Variants in CYRIA observed in about 807,000 individuals in gnomAD.
CYRIA encodes CYFIP related Rac1 interactor A.
CYRIA carries 15 observed loss-of-function variants against 43.9 expected under a neutral mutation model. That is an observed-to-expected ratio of 0.34 (90% CI 0.23 to 0.53). The LOEUF (loss-of-function observed/expected upper bound fraction) is 0.53, where lower values mean the gene tolerates loss of function less well. CYRIA is among the 20% of genes least tolerant of loss of function. CYRIA has a pLI of 0.94. For synonymous variants in CYRIA, 117 were observed against 136.0 expected (o/e 0.86, Z 0.97); for missense variants, 236 against 394.2 (o/e 0.60, Z 3.40).
At chr2:16,604,958 A>T (rs1223653849) in intron 2 of CYRIA, among the ~76,000 whole-genome samples, 4 of 152,272 alleles carry the variant, frequency 2.6e-5, no homozygotes, top group Non-Finnish European at 5.9e-5. Context: ...TAATGGCTAA[A>T]GTGTGTTTTC....
intron 3 of CYRIA, among the ~76,000 whole-genome samples, chr2:16,566,121 C>A (rs1189760257): frequency 2.0e-5 from 3 of 152,222 alleles, no homozygotes; most frequent in Admixed American, 2.0e-4. Flanking sequence ...ATGTTTTGGT[C>A]TTTTTATTAT....
intron 3 of CYRIA, among the ~76,000 whole-genome samples, chr2:16,568,654 A>C (rs1300394034): frequency 2.6e-5 from 4 of 152,208 alleles, no homozygotes; most frequent in African/African-American, 9.6e-5. Context: ...TCTCCTTTTG[A>C]AAAATCATAA....
chr2:16,575,515 G>A (rs901984864), intron 3 of CYRIA, among the ~76,000 whole-genome samples: 1 of 152,110 alleles, frequency 6.6e-6, no homozygotes, highest in Non-Finnish European at 1.5e-5. Flanking sequence ...TTCCTAGGCT[G>A]TTCTTGTGAT....
chr2:16,625,231 C>G (rs1159518400), intron 1 of CYRIA, among the ~76,000 whole-genome samples: 3 of 152,072 alleles, frequency 2.0e-5, no homozygotes, highest in Non-Finnish European at 4.4e-5. Context: ...AGCTGGGGCT[C>G]CCAGGCCCCC....
At chr2:16,591,994 C>T (rs192173414) in intron 2 of CYRIA, among the ~76,000 whole-genome samples, 1 of 152,162 alleles carries the variant, frequency 6.6e-6, no homozygotes, top group Non-Finnish European at 1.5e-5. Context: ...CACTGGTGCA[C>T]ATAGAAGTTT....
intron 1 of CYRIA, among the ~76,000 whole-genome samples, chr2:16,646,101 G>A (rs758185862): frequency 1.3e-4 from 20 of 152,200 alleles, no homozygotes; most frequent in Non-Finnish European, 2.6e-4. Flanking sequence ...TCTAGCTCTA[G>A]TCTTTCCCTC....
At chr2:16,604,438 G>A (rs1219963160) in intron 2 of CYRIA, among the ~76,000 whole-genome samples, 1 of 152,214 alleles carries the variant, frequency 6.6e-6, no homozygotes, top group Non-Finnish European at 1.5e-5. Context: ...GGGTGTCCCA[G>A]GAGGAAGGGG....
chr2:16,622,115 G>A (rs2103508203), intron 2 of CYRIA, among the ~76,000 whole-genome samples: 2 of 152,310 alleles, frequency 1.3e-5, no homozygotes, highest in Non-Finnish European at 2.9e-5. Flanking sequence ...TGACTGTCTT[G>A]CTGAGTGCCA....
At position 16,650,655 on chromosome 2, in the gene CYRIA, G is replaced by A. The variant is rs1386574392; in HGVS notation, c.-167+15125C>T. 1.3e-5 allele frequency among the ~76,000 whole-genome samples: 2 copies of A among 152,210 alleles called. No homozygotes were observed. Among genetic ancestry groups the A allele is most frequent in the Non-Finnish European group, 2.9e-5 (2 of 68,038 alleles). On this transcript the variant is annotated intron_variant, in intron 1 of 11. Transcript: ENST00000381323. The surrounding 1 kb of genome is among the most constrained non-coding windows in gnomAD (Gnocchi z 4.1). ...CTCTCTGGCCATGGAAAGGCCTTCT[G>A]AGCTCAACAGACAAGCTCTGTAGTG...
intron 2 of CYRIA, among the ~76,000 whole-genome samples, chr2:16,592,067 A>G (rs11893280): frequency 0.18 from 27,755 of 152,014 alleles, 3,523 homozygotes; most frequent in African/African-American, 0.35. Flanking sequence ...CAGAGAGTAC[A>G]GGTTGAGTAT....
At chr2:16,664,256 C>A (rs1256594368) in intron 1 of CYRIA, among the ~76,000 whole-genome samples, 1 of 152,162 alleles carries the variant, frequency 6.6e-6, no homozygotes, top group Admixed American at 6.5e-5. Context: ...TTCCCACTCT[C>A]CCCTCACAGG....
intron 5 of CYRIA, among the ~76,000 whole-genome samples, chr2:16,562,740 C>T (rs568700604): frequency 7.8e-4 from 119 of 152,246 alleles, no homozygotes; most frequent in African/African-American, 2.8e-3. Flanking sequence ...AGTCATTTAA[C>T]CAATCCTCTA....
intron 2 of CYRIA, among the ~76,000 whole-genome samples, chr2:16,618,888 T>C (rs1241164936): frequency 2.0e-5 from 3 of 152,178 alleles, no homozygotes; most frequent in Admixed American, 6.5e-5. Context: ...GAGATTCAAG[T>C]CCAAACACAA....
intron 1 of CYRIA, among the ~76,000 whole-genome samples, chr2:16,652,616 AC>A: frequency 6.6e-6 from 1 of 152,150 alleles, no homozygotes; most frequent in Non-Finnish European, 1.5e-5. Flanking sequence ...TCCCCCTGCT[AC>A]CCCCTGCCAC....
intron 2 of CYRIA, among the ~76,000 whole-genome samples, chr2:16,600,675 T>A (rs751060654): frequency 6.6e-6 from 1 of 152,178 alleles, no homozygotes; most frequent in Non-Finnish European, 1.5e-5. Context: ...AGTAACAGAG[T>A]AATTATAGTT....
At chr2:16,572,436 G>A (rs1336735469) in intron 3 of CYRIA, among the ~76,000 whole-genome samples, 1 of 151,732 alleles carries the variant, frequency 6.6e-6, no homozygotes, top group Non-Finnish European at 1.5e-5. Flanking sequence ...GAGGATACTA[G>A]ACAAAAAGAC....
chr2:16,637,108 A>C (rs1669520665), intron 1 of CYRIA, among the ~76,000 whole-genome samples: 1 of 151,740 alleles, frequency 6.6e-6, no homozygotes, highest in Non-Finnish European at 1.5e-5. Context: ...AGCACAGTGG[A>C]TCTTGTGATG....
intron 3 of CYRIA, among the ~76,000 whole-genome samples, chr2:16,582,709 A>C (rs930092487): frequency 3.9e-5 from 6 of 152,146 alleles, no homozygotes; most frequent in African/African-American, 1.4e-4. Flanking sequence ...TTTTTAATTG[A>C]TCAATAATAT....
At chr2:16,576,189 G>A (rs1030778359) in intron 3 of CYRIA, among the ~76,000 whole-genome samples, 6 of 152,196 alleles carry the variant, frequency 3.9e-5, no homozygotes, top group African/African-American at 1.4e-4. Flanking sequence ...AAGGACCTTA[G>A]GAGGGTGAGG....
Sources: gnomAD v4.1 joint callset for allele counts (sites outside exome capture counted in the v4.1 genomes callset) on GRCh38, gnomAD v4.1.1 for gene constraint, Gnocchi (gnomAD v3.1) non-coding constraint, MANE v1.5 for transcripts, NCBI Gene and HGNC (gene_info 2026-07-23, HGNC 2026-07-21) for gene names.